Variants in SIK3 observed in about 807,000 individuals in gnomAD.
SIK3 encodes the protein SIK family kinase 3.
Under a neutral mutation model 144.2 loss-of-function variants are expected in SIK3, and 28 were observed. The observed-to-expected ratio is 0.19, with a 90% CI of 0.14 to 0.27. SIK3 has a LOEUF of 0.27. Among genes scored for constraint, SIK3 ranks in the 10% least tolerant of loss-of-function variants. SIK3 has a pLI of 1.00. For missense variants in SIK3, 1,319 were observed against 1,776.0 expected (o/e 0.74, Z 4.62); for synonymous variants, 686 against 676.3 (o/e 1.01, Z -0.22).
chr11:116,932,101 C>T (rs139781331), intron 3 of SIK3, among the ~76,000 whole-genome samples: 3 of 152,252 alleles, frequency 2.0e-5, no homozygotes, highest in African/African-American at 7.2e-5. Flanking sequence ...ATTCTATTAA[C>T]TCTACGTTCA....
At chr11:117,048,118 G>A (rs1228506127) in intron 1 of SIK3, among the ~76,000 whole-genome samples, 1 of 152,034 alleles carries the variant, frequency 6.6e-6, no homozygotes, top group African/African-American at 2.4e-5. Context: ...CTCTGCTAAG[G>A]AATAATGGTT....
intron 2 of SIK3, 125 bp downstream of exon 2, chr11:116,956,823 T>C (rs534459528): frequency 2.4e-5 from 13 of 540,182 alleles, no homozygotes; most frequent in Non-Finnish European, 3.8e-5. Flanking sequence ...GTAGGAAAGA[T>C]AGCAGGATTA....
At chr11:116,929,535 G>A (rs1411114654) in intron 3 of SIK3, among the ~76,000 whole-genome samples, 1 of 152,174 alleles carries the variant, frequency 6.6e-6, no homozygotes, top group East Asian at 1.9e-4. Context: ...TGATTGGAAA[G>A]TTCTCAAAAC....
chr11:117,023,612 AAAAAAAAAAAT>A (rs1263676398), intron 1 of SIK3, among the ~76,000 whole-genome samples: 31 of 42,916 alleles, frequency 7.2e-4, no homozygotes, highest in African/African-American at 2.6e-3. Flanking sequence ...AAACAAACAA[AAAAAAAAAAAT>A]ATATATATAT....
intron 1 of SIK3, among the ~76,000 whole-genome samples, chr11:117,072,282 C>T (rs1356262931): frequency 1.3e-5 from 2 of 151,754 alleles, no homozygotes; most frequent in African/African-American, 4.8e-5. Flanking sequence ...CAGCTACCAG[C>T]GAGGCTGAGG....
chr11:116,885,997 T>G (rs1944797597), intron 6 of SIK3, among the ~76,000 whole-genome samples: 1 of 152,256 alleles, frequency 6.6e-6, no homozygotes, highest in Non-Finnish European at 1.5e-5. Flanking sequence ...ATTATCCATA[T>G]CTCTGAAGTC....
At chr11:116,897,458 C>T (rs1945471101) in intron 4 of SIK3, 141 bp from the exon 5 acceptor site, 7 of 711,334 alleles carry the variant, frequency 9.8e-6, no homozygotes, top group Non-Finnish European at 1.4e-5. Flanking sequence ...ACCACATAGC[C>T]AGACACTTAA....
At chr11:117,072,922 T>G (rs1187439576) in intron 1 of SIK3, among the ~76,000 whole-genome samples, 1 of 152,228 alleles carries the variant, frequency 6.6e-6, no homozygotes, top group Non-Finnish European at 1.5e-5. Flanking sequence ...TAGTTGGACC[T>G]AGCATTTATA....
intron 4 of SIK3, among the ~76,000 whole-genome samples, chr11:116,924,725 T>G (rs1947181461): frequency 2.0e-5 from 3 of 152,106 alleles, no homozygotes; most frequent in Admixed American, 2.0e-4. Flanking sequence ...AGAAAGGATA[T>G]GAGGAAATAA....
At chr11:116,976,930 T>C (rs189805837) in intron 1 of SIK3, among the ~76,000 whole-genome samples, 16 of 152,342 alleles carry the variant, frequency 1.1e-4, no homozygotes, top group African/African-American at 3.6e-4. Context: ...AATGGAATAA[T>C]AGTTTGGACT....
At chr11:117,091,394 C>A (rs1450616420) in intron 1 of SIK3, among the ~76,000 whole-genome samples, 1 of 151,748 alleles carries the variant, frequency 6.6e-6, no homozygotes, top group Non-Finnish European at 1.5e-5. Flanking sequence ...TTAGTAAAAA[C>A]AGGGTTTCGC....
chr11:116,863,217 C>T (rs914068770), intron 16 of SIK3, among the ~76,000 whole-genome samples: 21 of 152,152 alleles, frequency 1.4e-4, no homozygotes, highest in Non-Finnish European at 2.8e-4. Context: ...GAGGGCTGTA[C>T]ATAACACAAA....
intron 1 of SIK3, among the ~76,000 whole-genome samples, chr11:117,030,946 T>C (rs1952231742): frequency 6.6e-6 from 1 of 152,254 alleles, no homozygotes; most frequent in Non-Finnish European, 1.5e-5. Flanking sequence ...GCCATCTGTA[T>C]ATCCTCTTCA....
chr11:116,851,730 T>C (rs1009167728), intron 21 of SIK3, among the ~76,000 whole-genome samples: 1 of 152,210 alleles, frequency 6.6e-6, no homozygotes, highest in African/African-American at 2.4e-5. Context: ...GGACTTGCTC[T>C]GTGGGATTAG....
chr11:116,849,507 G>C lies in SIK3; in HGVS notation c.3656-224C>G, dbSNP rs903702272. ...CACACCCTTAGGGAAAAAATTCCACGTAACAGGGCATGGCTGGACCCCACC... is the reference window on the plus strand; with the variant it reads ...CACACCCTTAGGGAAAAAATTCCACCTAACAGGGCATGGCTGGACCCCACC... On this transcript the variant is annotated intron_variant, in intron 21 of 24. Coordinates refer to ENST00000445177, the MANE Select transcript of SIK3 (RefSeq NM_001366686.3). The surrounding 1 kb of genome is among the most constrained non-coding windows in gnomAD (Gnocchi z 4.2). Among the ~76,000 whole-genome samples the C allele has an allele frequency of 2.0e-5, 3 of 152,118 alleles. No homozygotes were observed. Among genetic ancestry groups the C allele is most frequent in the African/African-American group, 7.2e-5 (3 of 41,398 alleles).
chr11:117,081,490 G>A (rs1032073300), intron 1 of SIK3, among the ~76,000 whole-genome samples: 4 of 152,198 alleles, frequency 2.6e-5, no homozygotes, highest in Non-Finnish European at 5.9e-5. Context: ...CGGGCGTGAT[G>A]GCAGGTACCT....
intron 1 of SIK3, among the ~76,000 whole-genome samples, chr11:117,031,098 A>G (rs990263485): frequency 2.6e-5 from 4 of 152,180 alleles, no homozygotes; most frequent in Admixed American, 1.3e-4. Flanking sequence ...CCCAGTCTGT[A>G]GTTTGCCTTT....
chr11:116,933,375 G>A (rs190343287), intron 3 of SIK3, among the ~76,000 whole-genome samples: 1 of 152,068 alleles, frequency 6.6e-6, no homozygotes, highest in East Asian at 1.9e-4. Context: ...TCCTGACCTC[G>A]TGCTCCACCC....
chr11:116,917,275 G>C (rs978082291), intron 4 of SIK3, among the ~76,000 whole-genome samples: 2 of 152,036 alleles, frequency 1.3e-5, no homozygotes, highest in African/African-American at 4.8e-5. Flanking sequence ...TTATATAAAC[G>C]TTCTTAGAGT....
Sources: gnomAD v4.1 joint callset for allele counts (sites outside exome capture counted in the v4.1 genomes callset) on GRCh38, gnomAD v4.1.1 for gene constraint, Gnocchi (gnomAD v3.1) non-coding constraint, MANE v1.5 for transcripts, NCBI Gene and HGNC (gene_info 2026-07-23, HGNC 2026-07-21) for gene names.